DCT: variants seen among roughly 807,000 people sequenced by gnomAD.
DCT encodes L-dopachrome tautomerase.
In DCT, 47 loss-of-function variants were observed where a neutral mutation model predicts 53.0. The ratio of observed to expected loss-of-function variants is 0.89; its 90% CI spans 0.70 to 1.13. The LOEUF is 1.13. Among genes scored for constraint, DCT ranks in the 50% most tolerant of loss-of-function variants. The pLI is 0.00. For missense variants in DCT, 669 were observed against 637.4 expected, an observed-to-expected ratio of 1.05 and a Z score of -0.53; for synonymous variants, 244 against 237.0, an observed-to-expected ratio of 1.03 and a Z score of -0.27.
rs913208471 is a variant in DCT at position 94,438,407 on chromosome 13, C to T, written c.*1491G>A. ...AGATTCAAATTCAGTTCCAACTGGG[C>T]TTTGTCCATTTCTCTGGCTTTAGCA... On this transcript the variant is annotated 3_prime_UTR_variant, in exon 8 of 8. Coordinates refer to ENST00000377028, the MANE Select transcript of DCT (RefSeq NM_001922.5). The T allele has an allele frequency of 1.3e-5, 3 of 239,154 alleles. No homozygotes were observed. The highest frequency in any genetic ancestry group is 2.3e-5 in the African/African-American group (1 of 43,508). 14.8% of individuals were successfully genotyped at this position (239,154 alleles called of 1,614,324 possible).
chr13:94,501,007 A>T, the DCT span, among the ~76,000 whole-genome samples: 2 of 152,094 alleles, frequency 1.3e-5, no homozygotes, highest in Admixed American at 1.3e-4. Flanking sequence ...TATAGATTTT[A>T]AAAGAATTTG....
chr13:94,531,969 G>A, the DCT span, among the ~76,000 whole-genome samples: 3 of 152,074 alleles, frequency 2.0e-5, no homozygotes, highest in Non-Finnish European at 4.4e-5. Context: ...TCAAAAAGTG[G>A]TCAAAGGATA....
At chr13:94,543,236 G>T in the DCT span, among the ~76,000 whole-genome samples, 1 of 152,000 alleles carries the variant, frequency 6.6e-6, no homozygotes, top group Admixed American at 6.5e-5. Context: ...AGATAACGAG[G>T]TAATAGAATT....
the DCT span, among the ~76,000 whole-genome samples, chr13:94,548,083 G>T: frequency 8.8e-5 from 13 of 148,500 alleles, no homozygotes; most frequent in African/African-American, 3.0e-4. Context: ...CCTCATACAA[G>T]TACCTGTATG....
the DCT span, among the ~76,000 whole-genome samples, chr13:94,510,632 T>G: frequency 6.6e-6 from 1 of 152,246 alleles, no homozygotes; most frequent in East Asian, 1.9e-4. Flanking sequence ...AATTTTAAAT[T>G]ATATATGTGG....
the DCT span, among the ~76,000 whole-genome samples, chr13:94,527,322 C>T: frequency 6.6e-6 from 1 of 152,236 alleles, no homozygotes; most frequent in Admixed American, 6.5e-5. Context: ...GACAGACTGC[C>T]TCCTCAAGTG....
the DCT span, among the ~76,000 whole-genome samples, chr13:94,509,133 T>G: frequency 3.3e-5 from 5 of 152,176 alleles, no homozygotes; most frequent in Non-Finnish European, 7.3e-5. Context: ...TATTTGGAAA[T>G]AAGAGGCTGA....
chr13:94,531,303 A>G, the DCT span, among the ~76,000 whole-genome samples: 5 of 152,194 alleles, frequency 3.3e-5, no homozygotes, highest in Non-Finnish European at 7.3e-5. Context: ...TAAAGTTCAT[A>G]TGGAACCAAA....
chr13:94,470,017 A>G (rs553732985), intron 1 of DCT, among the ~76,000 whole-genome samples: 21 of 152,096 alleles, frequency 1.4e-4, no homozygotes, highest in African/African-American at 4.8e-4. Context: ...AGAGGTTGCA[A>G]TGAGCCGAGA....
At chr13:94,542,093 C>T in the DCT span, among the ~76,000 whole-genome samples, 50 of 152,220 alleles carry the variant, frequency 3.3e-4, no homozygotes, top group African/African-American at 1.2e-3. Context: ...AGCATATACG[C>T]TTCCCCTTTA....
intron 3 of DCT, among the ~76,000 whole-genome samples, 196 bp from the exon 4 acceptor site, chr13:94,465,995 T>C (rs1434867620): frequency 1.2e-4 from 7 of 60,716 alleles, no homozygotes. Flanking sequence ...TATATATATA[T>C]ATATATATAT....
the DCT span, among the ~76,000 whole-genome samples, chr13:94,490,511 A>AAAAAAAAAAAAAAAC: frequency 7.1e-6 from 1 of 140,932 alleles, no homozygotes. Flanking sequence ...TCTCAAAAAA[A>AAAAAAAAAAAAAAAC]AAAAAAAAAA....
chr13:94,479,351 A>T lies in DCT; in HGVS notation c.-96T>A. ...TCTACTCTTTCAGTCTTTTCTTTTC[A>T]GTATTTTTTATTTTTCTTTGCTTTC... On this transcript the variant is annotated 5_prime_UTR_variant, in exon 1 of 8. Coordinates refer to ENST00000377028, the MANE Select transcript of DCT (RefSeq NM_001922.5). 8.6e-7 allele frequency: 1 copy of T among 1,166,008 alleles called. No individual in the cohort carries two copies. The highest frequency in any genetic ancestry group is 1.2e-6 in the Non-Finnish European group (1 of 844,836). The allele number at this position is 1,166,008 out of a possible 1,614,324, so 72.2% of individuals were successfully genotyped here.
At chr13:94,470,121 G>GAGAA (rs1241072178) in intron 1 of DCT, among the ~76,000 whole-genome samples, 4 of 151,946 alleles carry the variant, frequency 2.6e-5, no homozygotes, top group African/African-American at 7.3e-5. Context: ...GAAAGAGAGA[G>GAGAA]AGAAAGAAAG....
At chr13:94,462,542 T>G (rs1206095023) in intron 4 of DCT, among the ~76,000 whole-genome samples, 1 of 152,012 alleles carries the variant, frequency 6.6e-6, no homozygotes, top group Non-Finnish European at 1.5e-5. Flanking sequence ...TGATATGTCT[T>G]AACTTATGTA....
rs747089139 is a variant in DCT at position 94,466,705 on chromosome 13, TA to T, written c.596-48del. On this transcript the variant is annotated intron_variant, in intron 2 of 7. Coordinates refer to ENST00000377028, the MANE Select transcript of DCT (RefSeq NM_001922.5). ...TTAGAGATGACAGAATAGAATTTTT[TA>T]AAATGTTAAATCTTACCTGGGCTGT... The T allele has an allele frequency of 3.1e-6, 4 of 1,309,234 alleles. No individual in the cohort carries two copies. In the East Asian group the frequency reaches 9.4e-5, roughly 31 times the overall value. The allele number at this position is 1,309,234 out of a possible 1,614,324, so 81.1% of individuals were successfully genotyped here.
At chr13:94,495,011 T>G in the DCT span, among the ~76,000 whole-genome samples, 2 of 152,258 alleles carry the variant, frequency 1.3e-5, no homozygotes, top group East Asian at 3.8e-4. Flanking sequence ...GCAACAAACA[T>G]CCTCGTCAAT....
chr13:94,465,227 C>G (rs1029699875), intron 4 of DCT, among the ~76,000 whole-genome samples: 5 of 152,140 alleles, frequency 3.3e-5, no homozygotes, highest in African/African-American at 4.8e-5. Flanking sequence ...TTTGTATTCC[C>G]GGCAGTACCA....
chr13:94,501,041 C>CAGAT, the DCT span, among the ~76,000 whole-genome samples: 2 of 151,896 alleles, frequency 1.3e-5, no homozygotes, highest in Non-Finnish European at 2.9e-5. Context: ...CTGAGGCGGG[C>CAGAT]AGATCACGAG....
Sources: gnomAD v4.1 joint callset for allele counts (sites outside exome capture counted in the v4.1 genomes callset) on GRCh38, gnomAD v4.1.1 for gene constraint, MANE v1.5 for transcripts, NCBI Gene and HGNC (gene_info 2026-07-23, HGNC 2026-07-21) for gene names.